ETV1: variants seen among roughly 807,000 people sequenced by gnomAD.
ETV1 encodes the protein ETS variant transcription factor 1.
ETV1 carries 27 observed loss-of-function variants against 62.3 expected under a neutral mutation model. The ratio of observed to expected loss-of-function variants is 0.43; its 90% CI spans 0.32 to 0.60. ETV1 has a LOEUF of 0.60. ETV1 is among the 20% of genes least tolerant of loss of function. ETV1 has a pLI of 0.06. For missense variants in ETV1, 605 were observed against 605.8 expected, an observed-to-expected ratio of 1.00 and a Z score of 0.01; for synonymous variants, 222 against 199.6, an observed-to-expected ratio of 1.11 and a Z score of -0.94.
rs140378447 is a variant in ETV1, at chr7:13,946,725, T to C, written c.236-7479A>G. On this transcript the variant is annotated intron_variant, in intron 6 of 13. Coordinates refer to ENST00000430479, the MANE Select transcript of ETV1 (RefSeq NM_004956.5). Reference sequence around the variant, plus strand: ...GTAGATACATAATGTAAAATCACATTTGAACACTTGAAATATAAGGGGAGA... The same window carrying C: ...GTAGATACATAATGTAAAATCACATCTGAACACTTGAAATATAAGGGGAGA... Among the ~76,000 whole-genome samples, 690 of 152,298 alleles carry C rather than the reference T, an allele frequency of 4.5e-3. 6 individuals carry two copies. The highest frequency in any genetic ancestry group is 0.016 in the African/African-American group (655 of 41,566).
chr7:13,904,940 A>G (rs547789492), intron 12 of ETV1, among the ~76,000 whole-genome samples: 1 of 148,426 alleles, frequency 6.7e-6, no homozygotes, highest in East Asian at 2.0e-4. Context: ...ACAGCATTCA[A>G]ACACCCAAAC....
chr7:13,900,613 T>C (rs1490388023), intron 13 of ETV1, 125 bp downstream of exon 13: 1 of 655,110 alleles, frequency 1.5e-6, no homozygotes, highest in African/African-American at 1.8e-5. Context: ...AACCAAGAGC[T>C]AAGCATTTGT....
chr7:13,936,674 C>A (rs1303150073), intron 7 of ETV1, among the ~76,000 whole-genome samples: 2 of 152,148 alleles, frequency 1.3e-5, no homozygotes, highest in Non-Finnish European at 2.9e-5. Context: ...TTTTGGTCAT[C>A]TATAAAATAT....
intron 6 of ETV1, among the ~76,000 whole-genome samples, chr7:13,954,519 CT>C (rs768601276): frequency 6.6e-6 from 1 of 152,168 alleles, no homozygotes; most frequent in Non-Finnish European, 1.5e-5. Context: ...TAATATTTAG[CT>C]CCTGGAAAGG....
chr7:13,974,762 A>G (rs1781254132), intron 6 of ETV1: 1 of 152,270 alleles, frequency 6.6e-6, no homozygotes, highest in South Asian at 2.1e-4. Context: ...AAGGCAACAG[A>G]AGTAAAAGAG....
chr7:13,988,499 A>G (rs1583920201), intron 3 of ETV1: 3 of 700,328 alleles, frequency 4.3e-6, no homozygotes, highest in Non-Finnish European at 6.9e-6. Context: ...GGCTGGTTCA[A>G]TGCTAGATTA....
chr7:13,941,907 A>T (rs868458786), intron 6 of ETV1, among the ~76,000 whole-genome samples: 15 of 141,824 alleles, frequency 1.1e-4, no homozygotes, highest in South Asian at 2.3e-4. Context: ...ATAAATAAAT[A>T]AAGTAAGAAA....
chr7:13,980,996 C>A (rs1781922410), intron 5 of ETV1, among the ~76,000 whole-genome samples: 1 of 151,928 alleles, frequency 6.6e-6, no homozygotes, highest in Admixed American at 6.6e-5. Flanking sequence ...AAATAATAAT[C>A]ATTACTTAAG....
At chr7:13,973,261 T>C (rs62454618) in intron 6 of ETV1, among the ~76,000 whole-genome samples, 4,027 of 152,282 alleles carry the variant, frequency 0.026, 60 homozygotes, top group Middle Eastern at 0.041. Flanking sequence ...GCATCTGATT[T>C]CATTGAGGTA....
chr7:13,935,624 A>T, intron 8 of ETV1, 84 bp downstream of exon 8: 1 of 1,162,040 alleles, frequency 8.6e-7, no homozygotes, highest in Non-Finnish European at 1.3e-6. Flanking sequence ...CCTTAAATCT[A>T]CTCTAGGCCT....
intron 6 of ETV1, among the ~76,000 whole-genome samples, chr7:13,967,082 A>T (rs1780365791): frequency 6.6e-6 from 1 of 152,216 alleles, no homozygotes; most frequent in Non-Finnish European, 1.5e-5. Context: ...ATTAAGATTT[A>T]TTATTCATAT....
At chr7:13,985,857 C>T (rs115847000) in intron 5 of ETV1, among the ~76,000 whole-genome samples, 2,123 of 152,242 alleles carry the variant, frequency 0.014, 45 homozygotes, top group African/African-American at 0.048. Context: ...GAAGCAATCT[C>T]ATTTTCCTAT....
Position 13,893,697 on chromosome 7 carries a change from T to C in ETV1, c.*2169A>G, listed in dbSNP as rs1781536427. ...TTCAGAATATATTTTAAAGACTCAC[T>C]TAAATTTTCTCCTTCAATTTCACCA... On this transcript the variant is annotated 3_prime_UTR_variant, in exon 14 of 14. Coordinates refer to ENST00000430479, the MANE Select transcript of ETV1 (RefSeq NM_004956.5). 4.3e-6 allele frequency: 1 copy of C among 232,812 alleles called. No individual in the cohort carries two copies. The highest frequency in any genetic ancestry group is 5.6e-5 in the Admixed American group (1 of 17,784). The allele number at this position is 232,812 out of a possible 1,614,324, so 14.4% of individuals were successfully genotyped here. A position where few individuals can be genotyped will look rare whatever the true frequency, so the allele number is the denominator to read the frequency against.
Position 13,977,368 on chromosome 7 carries a change from A to G in ETV1, c.235+59T>C. 4 of 1,190,280 alleles carry G rather than the reference A, an allele frequency of 3.4e-6. No homozygotes were observed. The East Asian group carries it at 1.0e-4, about 31-fold the overall frequency. The allele number at this position is 1,190,280 out of a possible 1,614,324, so 73.7% of individuals were successfully genotyped here. On this transcript the variant is annotated intron_variant, in intron 6 of 13. Coordinates refer to ENST00000430479, the MANE Select transcript of ETV1 (RefSeq NM_004956.5). ...ACGTGAAAACCAACCAAAGAGAAAG[A>G]AGAAAGAAGGAAACCAGAAAGACAG...
At chr7:13,946,264 C>G (rs77088669) in intron 6 of ETV1, among the ~76,000 whole-genome samples, 2 of 152,100 alleles carry the variant, frequency 1.3e-5, no homozygotes, top group African/African-American at 4.8e-5. Flanking sequence ...ACAACTCCTC[C>G]GGACAATCAA....
At chr7:13,942,649 C>G (rs896642177) in intron 6 of ETV1, among the ~76,000 whole-genome samples, 2 of 152,080 alleles carry the variant, frequency 1.3e-5, no homozygotes, top group Non-Finnish European at 2.9e-5. Context: ...TGAGAACATG[C>G]ATATATCCAA....
At chr7:13,961,873 T>C (rs1790206587) in intron 6 of ETV1, among the ~76,000 whole-genome samples, 1 of 152,154 alleles carries the variant, frequency 6.6e-6, no homozygotes, top group African/African-American at 2.4e-5. Flanking sequence ...ATTACAGATA[T>C]ACACTGAACT....
intron 6 of ETV1, among the ~76,000 whole-genome samples, chr7:13,976,547 T>A (rs1781473547): frequency 6.6e-6 from 1 of 152,168 alleles, no homozygotes; most frequent in African/African-American, 2.4e-5. Context: ...AATGCAGGTA[T>A]CTGTATTAGA....
chr7:13,950,625 T>C (rs1465162857), intron 6 of ETV1, among the ~76,000 whole-genome samples: 4 of 152,128 alleles, frequency 2.6e-5, no homozygotes, highest in East Asian at 1.9e-4. Flanking sequence ...TGTCTCTACA[T>C]TGGAGAATAC....
Sources: gnomAD v4.1 joint callset for allele counts (sites outside exome capture counted in the v4.1 genomes callset) on GRCh38, gnomAD v4.1.1 for gene constraint, MANE v1.5 for transcripts, NCBI Gene and HGNC (gene_info 2026-07-23, HGNC 2026-07-21) for gene names.